Variants in MGAT5 observed in about 807,000 individuals in gnomAD.
MGAT5 encodes alpha-1,6-mannosylglycoprotein 6-beta-N-acetylglucosaminyltransferase A.
MGAT5 carries 30 observed loss-of-function variants against 94.3 expected under a neutral mutation model. The ratio of observed to expected loss-of-function variants is 0.32; its 90% CI spans 0.24 to 0.43. MGAT5 has a LOEUF of 0.43. MGAT5 is among the 20% of genes least tolerant of loss of function. The pLI is 1.00. For synonymous variants in MGAT5, 310 were observed against 322.9 expected (o/e 0.96, Z 0.43); for missense variants, 691 against 905.5 (o/e 0.76, Z 3.04).
At chr2:134,392,434 C>T (rs893360430) in intron 10 of MGAT5, among the ~76,000 whole-genome samples, 5 of 152,328 alleles carry the variant, frequency 3.3e-5, no homozygotes, top group Middle Eastern at 3.4e-3. Context: ...TGGTGGTCAG[C>T]TGTCCTTTAA....
intron 2 of MGAT5, among the ~76,000 whole-genome samples, chr2:134,287,653 G>A (rs1685094623): frequency 6.6e-6 from 1 of 152,204 alleles, no homozygotes; most frequent in Admixed American, 6.5e-5. Flanking sequence ...GGGGCTGCCA[G>A]AACTTTGCTT....
At chr2:134,172,129 G>GC (rs1688239384) in intron 1 of MGAT5, among the ~76,000 whole-genome samples, 1 of 152,118 alleles carries the variant, frequency 6.6e-6, no homozygotes, top group African/African-American at 2.4e-5. Flanking sequence ...AATTTATTGA[G>GC]CTTGACCATG....
At chr2:134,249,690 ATGCTGCTGAGTATGGATAC>A (rs1219074993), upstream of MGAT5, among the ~76,000 whole-genome samples, 2 of 152,256 alleles carry the variant, frequency 1.3e-5, no homozygotes, top group Non-Finnish European at 2.9e-5. Flanking sequence ...ATTATGGATA[ATGCTGCTGAGTATGGATAC>A]TGCTGCTGAG....
intron 10 of MGAT5, among the ~76,000 whole-genome samples, chr2:134,400,081 G>A (rs1682946732): frequency 6.6e-6 from 1 of 152,192 alleles, no homozygotes; most frequent in Admixed American, 6.5e-5. Context: ...ATATTATGGA[G>A]GCAGAATATA....
At chr2:134,251,504 GGT>G (rs1397308487), upstream of MGAT5, among the ~76,000 whole-genome samples, 1 of 152,126 alleles carries the variant, frequency 6.6e-6, no homozygotes, top group Non-Finnish European at 1.5e-5. Context: ...TCTCTGAGAA[GGT>G]GTGTGTGTGG....
intron 2 of MGAT5, among the ~76,000 whole-genome samples, chr2:134,292,602 T>A (rs1028688226): frequency 6.6e-6 from 1 of 152,202 alleles, no homozygotes; most frequent in African/African-American, 2.4e-5. Context: ...GTGATTTTAA[T>A]ACAATTCAGG....
chr2:134,412,149 T>C (rs2106328294), intron 11 of MGAT5, among the ~76,000 whole-genome samples: 1 of 152,194 alleles, frequency 6.6e-6, no homozygotes, highest in East Asian at 1.9e-4. Context: ...GCTGCTGTGG[T>C]TGCTCTGAGG....
chr2:134,313,569 T>C (rs1686826854), intron 2 of MGAT5, among the ~76,000 whole-genome samples: 1 of 152,164 alleles, frequency 6.6e-6, no homozygotes. Context: ...CTGAGCTTCA[T>C]TGCTTACACT....
At chr2:134,367,992 G>C (rs1573933528) in intron 10 of MGAT5, among the ~76,000 whole-genome samples, 2 of 152,314 alleles carry the variant, frequency 1.3e-5, no homozygotes, top group Non-Finnish European at 2.9e-5. Context: ...CTGGTGTGTA[G>C]ATGAGGAGCT....
chr2:134,358,087 AT>A (rs1270869780), intron 9 of MGAT5, among the ~76,000 whole-genome samples: 7 of 152,164 alleles, frequency 4.6e-5, no homozygotes, highest in Non-Finnish European at 1.5e-5. Context: ...ATACAAAAAA[AT>A]AGAAGAAATG....
At position 134,209,163 on chromosome 2, in the gene MGAT5, T is replaced by A. The variant is rs1250050801; in HGVS notation, c.-142-45099T>A. Among the ~76,000 whole-genome samples the A allele has an allele frequency of 1.4e-3, 20 of 14,570 alleles. 4 individuals are homozygous for A. Among genetic ancestry groups the A allele is most frequent in the African/African-American group, 2.9e-3 (2 of 686 alleles). The allele number at this position is 14,570 out of a possible 152,430, so 9.6% of individuals were successfully genotyped here. On this transcript the variant is annotated intron_variant, in intron 1 of 16. Transcript: ENST00000409645. ...CTTATTTTTTTTTTATTTTTTTTTTTTTTTTTATTTTTTTTTTTATTTTTT... is the reference window on the plus strand; with the variant it reads ...CTTATTTTTTTTTTATTTTTTTTTTATTTTTTATTTTTTTTTTTATTTTTT...
chr2:134,357,210 A>T (rs1679803408), intron 9 of MGAT5, among the ~76,000 whole-genome samples: 1 of 152,162 alleles, frequency 6.6e-6, no homozygotes, highest in Non-Finnish European at 1.5e-5. Context: ...TGTTGTACAA[A>T]TTTAAGATTG....
intron 2 of MGAT5, among the ~76,000 whole-genome samples, chr2:134,283,333 C>A (rs1186116884): frequency 6.6e-6 from 1 of 152,086 alleles, no homozygotes; most frequent in Non-Finnish European, 1.5e-5. Flanking sequence ...CTGGCTGTTG[C>A]TATAATTAAC....
chr2:134,412,981 C>G lies in MGAT5; in HGVS notation c.1643C>G (p.Thr548Arg). 1 of 1,614,150 alleles carries G rather than the reference C, an allele frequency of 6.2e-7. No individual in the cohort carries two copies. Among genetic ancestry groups the G allele is most frequent in the Non-Finnish European group, 8.5e-7 (1 of 1,180,012 alleles). The change falls in exon 12 of 16, where the codon ACA (threonine) becomes AGA (arginine). Residue 548 changes from threonine (T) to arginine (R), a missense_variant. By Grantham distance (71) the Thr-to-Arg change is moderately conservative (BLOSUM62 -1). Around this residue, in one of 4 missense-constraint regions of MGAT5, gnomAD observed 260 missense variants for 347.0 expected, o/e 0.75. Coordinates refer to ENST00000281923, the MANE Select transcript of MGAT5 (RefSeq NM_002410.5). ...AACCCACCCAAAAGCAGCAAAAACA[C>G]AGACTTTTTCATTGGCAAGCCAACT... ...KFNPPKSSKN[T>R]DFFIGKPTLR...
chr2:134,300,566 C>A (rs1374406652), intron 2 of MGAT5, among the ~76,000 whole-genome samples: 1 of 152,122 alleles, frequency 6.6e-6, no homozygotes, highest in Non-Finnish European at 1.5e-5. Context: ...CAGAGAAGAA[C>A]ACTTTACCAA....
intron 10 of MGAT5, among the ~76,000 whole-genome samples, chr2:134,382,409 CTG>C (rs1293316339): frequency 6.6e-6 from 1 of 152,154 alleles, no homozygotes; most frequent in Non-Finnish European, 1.5e-5. Flanking sequence ...AATAGGAAGA[CTG>C]AGGTTGCCCA....
intron 2 of MGAT5, among the ~76,000 whole-genome samples, chr2:134,280,065 C>G (rs1684598837): frequency 6.6e-6 from 1 of 152,176 alleles, no homozygotes; most frequent in African/African-American, 2.4e-5. Flanking sequence ...TTCCTTTAAG[C>G]TGTGCTTTTG....
intron 10 of MGAT5, among the ~76,000 whole-genome samples, chr2:134,369,727 T>TTTGTGTGTGTGTG (rs1553455659): frequency 7.0e-6 from 1 of 142,196 alleles, no homozygotes; most frequent in African/African-American, 2.6e-5. Flanking sequence ...GGTTTTTACA[T>TTTGTGTGTGTGTG]TGTGTGTGTG....
chr2:134,371,621 G>C (rs1402023746), intron 10 of MGAT5, among the ~76,000 whole-genome samples: 1 of 152,196 alleles, frequency 6.6e-6, no homozygotes, highest in Non-Finnish European at 1.5e-5. Context: ...TGGTTGGGAA[G>C]AATGCATGCC....
Sources: gnomAD v4.1 joint callset for allele counts (sites outside exome capture counted in the v4.1 genomes callset) on GRCh38, gnomAD v4.1.1 for gene constraint, gnomAD v4.1.1 regional missense constraint, MANE v1.5 for transcripts, NCBI Gene and HGNC (gene_info 2026-07-23, HGNC 2026-07-21) for gene names.